The following KCNN2 variants were observed in gnomAD, a reference collection of about 807,000 sequenced individuals.
The protein encoded by KCNN2 is small conductance calcium-activated potassium channel protein 2.
KCNN2 carries 24 observed loss-of-function variants against 55.5 expected under a neutral mutation model. That is an observed-to-expected ratio of 0.43 (90% CI 0.31 to 0.61). KCNN2 has a LOEUF of 0.61. Among genes scored for constraint, KCNN2 ranks in the 20% least tolerant of loss-of-function variants. KCNN2 has a pLI of 0.08. For synonymous variants in KCNN2, 431 were observed against 336.1 expected (o/e 1.28, Z -3.09); for missense variants, 754 against 853.6 (o/e 0.88, Z 1.45).
intron 2 of KCNN2, among the ~76,000 whole-genome samples, chr5:114,397,766 C>T (rs1033143620): frequency 5.3e-5 from 8 of 152,132 alleles, no homozygotes; most frequent in Non-Finnish European, 8.8e-5. Flanking sequence ...TTTCGATTTG[C>T]CTTTCTCTGA....
In KCNN2 at chr5:114,154,987, G is replaced by C. The variant is rs1344447926; in HGVS notation, c.-270-66493G>C. ...TTGTATAGATTATTTCATCACCCAG[G>C]TATTAAGACTAGTATCTATTAGTTG... On this transcript the variant is annotated intron_variant, in intron 1 of 10. Transcript: ENST00000512097. 4.0e-5 allele frequency among the ~76,000 whole-genome samples: 6 copies of C among 151,808 alleles called. No individual in the cohort carries two copies. The East Asian group carries it at 9.6e-4, about 24-fold the overall frequency.
intron 1 of KCNN2, among the ~76,000 whole-genome samples, chr5:114,158,885 A>G (rs1056794373): frequency 3.9e-5 from 6 of 152,222 alleles, no homozygotes; most frequent in African/African-American, 1.2e-4. Flanking sequence ...GTTGCTTATC[A>G]GTTTAAGGAG....
intron 3 of KCNN2, among the ~76,000 whole-genome samples, chr5:114,407,349 T>C (rs1758966946): frequency 6.6e-6 from 1 of 152,190 alleles, no homozygotes; most frequent in Non-Finnish European, 1.5e-5. Context: ...AATTTATCTT[T>C]CACACTTTCT....
Position 114,363,273 on chromosome 5 carries a change from A to G in KCNN2, c.1122+12A>G. 1.3e-6 allele frequency: 2 copies of G among 1,584,080 alleles called. No individual in the cohort carries two copies. The highest frequency in any genetic ancestry group is 1.7e-6 in the Non-Finnish European group (2 of 1,165,148). On this transcript the variant is annotated intron_variant, in intron 1 of 7. Coordinates refer to ENST00000673685, the MANE Select transcript of KCNN2 (RefSeq NM_021614.4). ...GCGCCTACGACAAGGTACAGGCTTG[A>G]ACCCCAGCCCACGCTACCGGAGTCG...
At chr5:114,199,044 T>C (rs1191925215) in intron 1 of KCNN2, among the ~76,000 whole-genome samples, 1 of 152,126 alleles carries the variant, frequency 6.6e-6, no homozygotes, top group Non-Finnish European at 1.5e-5. Flanking sequence ...TCCCCTATTA[T>C]TATTGTATTG....
intron 2 of KCNN2, among the ~76,000 whole-genome samples, chr5:114,288,519 CACACACACACAT>C: frequency 6.6e-6 from 1 of 151,690 alleles, no homozygotes; most frequent in African/African-American, 2.4e-5. Context: ...CACACACACA[CACACACACACAT>C]ACACATAGAT....
chr5:114,208,054 T>C (rs564817419), intron 1 of KCNN2, among the ~76,000 whole-genome samples: 28 of 152,332 alleles, frequency 1.8e-4, no homozygotes, highest in African/African-American at 6.5e-4. Context: ...ATGCCAGATA[T>C]TGAGTCTCTG....
chr5:114,454,357 A>G (rs1000088424), intron 3 of KCNN2, among the ~76,000 whole-genome samples: 1 of 151,860 alleles, frequency 6.6e-6, no homozygotes, highest in Non-Finnish European at 1.5e-5. Context: ...ATCATTTGCC[A>G]TTCTCTCGTA....
intron 1 of KCNN2, among the ~76,000 whole-genome samples, chr5:114,070,924 C>G (rs901581): frequency 0.14 from 20,847 of 152,152 alleles, 1,521 homozygotes; most frequent in Middle Eastern, 0.17. Context: ...CATTCACTTA[C>G]TTCTTCACAA....
chr5:114,468,647 T>G (rs1761564759), intron 4 of KCNN2, among the ~76,000 whole-genome samples: 1 of 152,226 alleles, frequency 6.6e-6, no homozygotes, highest in Admixed American at 6.5e-5. Flanking sequence ...TAGAATATTT[T>G]GAACATTAGT....
rs1758778541 is a variant in KCNN2 at position 114,401,209 on chromosome 5, A to C, written c.1219-3229A>C. On this transcript the variant is annotated intron_variant, in intron 2 of 7. Transcript: ENST00000673685. ...CAGCATTAAAATATATGCTATGATA[A>C]AAAAAAATTTCAGGTATTAAGACCT... Among the ~76,000 whole-genome samples the C allele has an allele frequency of 2.0e-5, 3 of 151,622 alleles. No individual in the cohort carries two copies. The South Asian group carries it at 6.3e-4, about 32-fold the overall frequency.
chr5:114,323,563 T>G (rs1177453650), intron 2 of KCNN2, among the ~76,000 whole-genome samples: 1 of 151,908 alleles, frequency 6.6e-6, no homozygotes, highest in Non-Finnish European at 1.5e-5. Flanking sequence ...CTGTAAGATA[T>G]GGTATGATTT....
intron 3 of KCNN2, among the ~76,000 whole-genome samples, chr5:114,423,288 G>T (rs337684): frequency 6.6e-6 from 1 of 151,900 alleles, no homozygotes; most frequent in African/African-American, 2.4e-5. Flanking sequence ...CATTTCTCAT[G>T]GTGTCCTCAG....
At chr5:114,177,230 C>T (rs908007433) in intron 1 of KCNN2, among the ~76,000 whole-genome samples, 2 of 151,688 alleles carry the variant, frequency 1.3e-5, no homozygotes, top group Non-Finnish European at 1.5e-5. Context: ...CTCCGCCTCC[C>T]GGGATCACGC....
At chr5:114,436,911 T>C (rs1251704574) in intron 3 of KCNN2, among the ~76,000 whole-genome samples, 4 of 152,212 alleles carry the variant, frequency 2.6e-5, no homozygotes, top group Non-Finnish European at 4.4e-5. Context: ...TGAGGAATTG[T>C]ATTTTTTATT....
chr5:114,346,880 T>A (rs1240534011), intron 2 of KCNN2, among the ~76,000 whole-genome samples: 2 of 151,820 alleles, frequency 1.3e-5, no homozygotes, highest in Non-Finnish European at 2.9e-5. Flanking sequence ...CAGAGGATGA[T>A]GAACTGTTCA....
intron 5 of KCNN2, among the ~76,000 whole-genome samples, chr5:114,476,594 A>ATTTTTAG (rs1761978239): frequency 6.6e-6 from 1 of 151,768 alleles, no homozygotes; most frequent in Non-Finnish European, 1.5e-5. Flanking sequence ...AATTTTTTGT[A>ATTTTTAG]TTTTTAGTGG....
intron 2 of KCNN2, among the ~76,000 whole-genome samples, chr5:114,343,335 C>G (rs1417714060): frequency 1.3e-5 from 2 of 152,068 alleles, no homozygotes; most frequent in East Asian, 3.9e-4. Context: ...GAGTTCTTGT[C>G]TATATCTCAT....
intron 2 of KCNN2, among the ~76,000 whole-genome samples, chr5:114,260,716 G>A (rs1422853238): frequency 6.6e-6 from 1 of 152,172 alleles, no homozygotes; most frequent in African/African-American, 2.4e-5. Flanking sequence ...GAACAATTTA[G>A]GGATATCCCT....
Sources: allele counts gnomAD v4.1 joint callset (sites outside exome capture counted in the v4.1 genomes callset), GRCh38; gene constraint gnomAD v4.1.1; transcripts MANE v1.5; gene names NCBI Gene and HGNC (gene_info 2026-07-23, HGNC 2026-07-21).